SH3KBP1: variants seen among roughly 807,000 people sequenced by gnomAD.
The protein encoded by SH3KBP1 is SH3 domain-containing kinase-binding protein 1.
In SH3KBP1, 8 loss-of-function variants were observed where a neutral mutation model predicts 50.1. The ratio of observed to expected loss-of-function variants is 0.16; its 90% confidence interval spans 0.09 to 0.29. The LOEUF (loss-of-function observed/expected upper bound fraction) is 0.29, where lower values mean the gene tolerates loss of function less well. Among genes scored for constraint, SH3KBP1 ranks in the 10% least tolerant of loss-of-function variants. SH3KBP1 has a pLI of 1.00. For synonymous variants in SH3KBP1, 227 were observed against 218.6 expected (o/e 1.04, Z -0.34); for missense variants, 377 against 535.2 (o/e 0.70, Z 2.92).
chrX:19,577,996 G>A (rs945989407), intron 12 of SH3KBP1, among the ~76,000 whole-genome samples: 10 of 111,100 alleles, frequency 9.0e-5, no homozygotes, highest in Non-Finnish European at 1.5e-4. Flanking sequence ...AAATAGAAAC[G>A]CCCCATTGCC....
chrX:19,560,456 T>A (rs2065638520), intron 13 of SH3KBP1, among the ~76,000 whole-genome samples: 1 of 111,738 alleles, frequency 8.9e-6, no homozygotes, highest in Non-Finnish European at 1.9e-5. Context: ...CTGGGTCCTT[T>A]CTTTTTAATA....
rs749036765 is a variant in SH3KBP1, at chrX:19,579,268, T to A, written c.1298+9375A>T. Among the ~76,000 whole-genome samples the A allele has an allele frequency of 2.8e-3, 316 of 111,898 alleles. 3 individuals are homozygous for A. Among genetic ancestry groups the A allele is most frequent in the African/African-American group, 9.8e-3 (302 of 30,771 alleles). ...GAAGCAGGCCTCTCTCCAGAGCCCA[T>A]CCAGGGCCTGACAAGCCCTGCAATC... On this transcript the variant is annotated intron_variant, in intron 12 of 17. Transcript: ENST00000397821.
At chrX:19,808,071 C>G (rs2067102716) in intron 2 of SH3KBP1, among the ~76,000 whole-genome samples, 1 of 111,387 alleles carries the variant, frequency 9.0e-6, no homozygotes, top group African/African-American at 3.3e-5. Context: ...TATGCTGTTC[C>G]CAGTGTGAGC....
chrX:19,592,479 A>T (rs772624389), intron 10 of SH3KBP1, among the ~76,000 whole-genome samples: 201 of 111,896 alleles, frequency 1.8e-3, no homozygotes, highest in African/African-American at 6.2e-3. Flanking sequence ...AATAAATGTC[A>T]ATTATCAAAC....
At chrX:19,684,153 G>A (rs111317621) in intron 5 of SH3KBP1, 125 bp from the exon 6 acceptor site, 2 of 506,134 alleles carry the variant, frequency 4.0e-6, no homozygotes, top group African/African-American at 2.4e-5. Flanking sequence ...CTTGCACTAG[G>A]CTTTTGTATT....
At chrX:19,656,506 T>C (rs907602961) in intron 6 of SH3KBP1, among the ~76,000 whole-genome samples, 2 of 112,170 alleles carry the variant, frequency 1.8e-5, no homozygotes, top group African/African-American at 3.2e-5. Context: ...TTGACTATGA[T>C]GGAAAAATTT....
chrX:19,686,541 C>T (rs994907002), intron 5 of SH3KBP1, among the ~76,000 whole-genome samples: 1 of 110,855 alleles, frequency 9.0e-6, no homozygotes, highest in African/African-American at 3.3e-5. Flanking sequence ...GGTGTAACTT[C>T]CAGACATGTG....
chrX:19,820,161 T>C lies in SH3KBP1; in HGVS notation c.162+15964A>G, dbSNP rs953056948. Among the ~76,000 whole-genome samples the C allele has an allele frequency of 3.6e-5, 4 of 112,330 alleles. No homozygotes were observed. In the East Asian group the frequency reaches 1.1e-3, roughly 31 times the overall value. On this transcript the variant is annotated intron_variant, in intron 2 of 17. Transcript: ENST00000397821. ...AACTTGGCAGATATTTCATGGGTAC[T>C]TGAAAAAAATGTGTTTTGTGCTGTT...
intron 2 of SH3KBP1, among the ~76,000 whole-genome samples, chrX:19,772,395 G>A (rs982484677): frequency 2.7e-5 from 3 of 111,003 alleles, no homozygotes; most frequent in African/African-American, 9.8e-5. Flanking sequence ...ACCAAAGAGA[G>A]AAAGAAATGG....
intron 5 of SH3KBP1, 53 bp from the exon 6 acceptor site, chrX:19,684,081 T>C: frequency 9.5e-7 from 1 of 1,047,684 alleles, no homozygotes; most frequent in East Asian, 3.0e-5. Flanking sequence ...GCCAGAGCCC[T>C]GAAGAAGAAC....
intron 1 of SH3KBP1, among the ~76,000 whole-genome samples, chrX:19,863,888 A>G (rs1447953840): frequency 8.9e-6 from 1 of 111,980 alleles, no homozygotes; most frequent in African/African-American, 3.2e-5. Context: ...CCATGCTTTT[A>G]TTTTCTTTGG....
intron 6 of SH3KBP1, among the ~76,000 whole-genome samples, chrX:19,660,350 T>C (rs2062415904): frequency 8.9e-6 from 1 of 112,489 alleles, no homozygotes; most frequent in Non-Finnish European, 1.9e-5. Flanking sequence ...AGAATGATGG[T>C]TTCGATTACA....
At chrX:19,625,043 A>G (rs1395363291) in intron 8 of SH3KBP1, among the ~76,000 whole-genome samples, 1 of 112,019 alleles carries the variant, frequency 8.9e-6, no homozygotes, top group African/African-American at 3.2e-5. Context: ...TCAGCAGTTC[A>G]GAGAGAAAGG....
chrX:19,802,818 C>T (rs769549474), intron 2 of SH3KBP1, among the ~76,000 whole-genome samples: 2 of 111,350 alleles, frequency 1.8e-5, no homozygotes, highest in African/African-American at 6.5e-5. Context: ...AGTCTCTCCC[C>T]TCATGCTCTC....
intron 9 of SH3KBP1, among the ~76,000 whole-genome samples, chrX:19,605,696 A>G (rs1020402639): frequency 1.8e-5 from 2 of 112,144 alleles, no homozygotes; most frequent in African/African-American, 6.5e-5. Flanking sequence ...CTAAGCTCAC[A>G]AGGACAGTAC....
At chrX:19,686,100 G>A (rs899007212) in intron 5 of SH3KBP1, among the ~76,000 whole-genome samples, 1 of 111,539 alleles carries the variant, frequency 9.0e-6, no homozygotes, top group Non-Finnish European at 1.9e-5. Flanking sequence ...ACAGAGAGAG[G>A]TTGCACAGTC....
intron 2 of SH3KBP1, among the ~76,000 whole-genome samples, chrX:19,797,748 T>C (rs1202806549): frequency 9.0e-6 from 1 of 111,052 alleles, no homozygotes; most frequent in Admixed American, 9.6e-5. Context: ...ATGGATGAGA[T>C]GAAATATGAG....
chrX:19,767,849 G>T (rs1293513386), intron 2 of SH3KBP1, among the ~76,000 whole-genome samples: 3 of 110,741 alleles, frequency 2.7e-5, no homozygotes, highest in Non-Finnish European at 5.7e-5. Flanking sequence ...ACTTGCCCTT[G>T]TCCTCTAATG....
chrX:19,690,240 T>C (rs1479337920), intron 5 of SH3KBP1, among the ~76,000 whole-genome samples: 3 of 110,335 alleles, frequency 2.7e-5, no homozygotes, highest in Non-Finnish European at 5.7e-5. Flanking sequence ...CTATTTTTTG[T>C]AGAGATGGGG....
Sources: gnomAD v4.1 joint callset for allele counts (sites outside exome capture counted in the v4.1 genomes callset) on GRCh38, gnomAD v4.1.1 for gene constraint, MANE v1.5 for transcripts, NCBI Gene and HGNC (gene_info 2026-07-23, HGNC 2026-07-21) for gene names.